Variants in PCSK6 observed in about 807,000 individuals in gnomAD.
PCSK6 encodes the protein proprotein convertase subtilisin/kexin type 6.
Under a neutral mutation model 123.3 loss-of-function variants are expected in PCSK6, and 85 were observed. The observed-to-expected ratio is 0.69, with a 90% CI of 0.58 to 0.83. PCSK6 has a LOEUF of 0.83. PCSK6 is among the 40% of genes least tolerant of loss of function. PCSK6 has a pLI of 0.00. For missense variants in PCSK6, 1,191 were observed against 1,282.3 expected (o/e 0.93, Z 1.09); for synonymous variants, 508 against 516.0 (o/e 0.98, Z 0.21).
intron 13 of PCSK6, among the ~76,000 whole-genome samples, chr15:101,352,885 T>C (rs1291091367): frequency 6.6e-6 from 1 of 152,186 alleles, no homozygotes; most frequent in Non-Finnish European, 1.5e-5. Context: ...ACATAGTCTA[T>C]AGGAAAAACC....
intron 1 of PCSK6, among the ~76,000 whole-genome samples, chr15:101,455,407 A>G (rs1369775754): frequency 6.6e-6 from 1 of 152,232 alleles, no homozygotes; most frequent in Non-Finnish European, 1.5e-5. Flanking sequence ...TTTCCCTTAA[A>G]GGGAACAAGG....
intron 1 of PCSK6, among the ~76,000 whole-genome samples, chr15:101,449,775 C>T (rs1190956006): frequency 1.3e-5 from 2 of 152,086 alleles, no homozygotes; most frequent in African/African-American, 2.4e-5. Context: ...CATGAGATAC[C>T]GAGAAGACAG....
chr15:101,348,814 C>G (rs1395130624), intron 13 of PCSK6, among the ~76,000 whole-genome samples: 1 of 152,192 alleles, frequency 6.6e-6, no homozygotes, highest in East Asian at 1.9e-4. Context: ...CGCCTGCCAG[C>G]TGCTCTGCTC....
At chr15:101,353,211 G>A (rs182208740) in intron 13 of PCSK6, among the ~76,000 whole-genome samples, 2 of 151,896 alleles carry the variant, frequency 1.3e-5, no homozygotes, top group East Asian at 3.8e-4. Flanking sequence ...ATGGGAGACA[G>A]TGACAGATCA....
rs374353547 is a variant in PCSK6 at position 101,432,333 on chromosome 15, G to A, written c.403-233C>T. Among the ~76,000 whole-genome samples, 9 of 151,876 alleles carry A rather than the reference G, an allele frequency of 5.9e-5. 2 individuals carry two copies. The highest frequency in any genetic ancestry group is 5.8e-4 in the East Asian group (3 of 5,142). ...CACCACTCTGATAGATTTTGAAGTC[G>A]TTGTACTAAAAGAAAGAAAGTGCTC... On this transcript the variant is annotated intron_variant, in intron 2 of 21. Transcript: ENST00000611716.
At chr15:101,418,754 C>T (rs2055979959) in intron 6 of PCSK6, among the ~76,000 whole-genome samples, 1 of 152,176 alleles carries the variant, frequency 6.6e-6, no homozygotes, top group Non-Finnish European at 1.5e-5. Context: ...ATCAGGTGAT[C>T]CACCCACTTT....
At chr15:101,437,098 C>G (rs2056622704) in intron 2 of PCSK6, among the ~76,000 whole-genome samples, 2 of 152,300 alleles carry the variant, frequency 1.3e-5, no homozygotes, top group South Asian at 2.1e-4. Context: ...AGAGGCCCCA[C>G]AACTTCCAAC....
chr15:101,452,059 A>C (rs1415329681), intron 1 of PCSK6, among the ~76,000 whole-genome samples: 2 of 152,244 alleles, frequency 1.3e-5, no homozygotes, highest in Non-Finnish European at 2.9e-5. Context: ...TATTGCAATA[A>C]TTACAATCCT....
At chr15:101,340,248 A>G (rs2040571220) in intron 13 of PCSK6, among the ~76,000 whole-genome samples, 1 of 152,124 alleles carries the variant, frequency 6.6e-6, no homozygotes, top group Non-Finnish European at 1.5e-5. Context: ...TACACACATG[A>G]ACTCTCAGAC....
intron 6 of PCSK6, among the ~76,000 whole-genome samples, chr15:101,417,412 C>A (rs2055926344): frequency 6.6e-6 from 1 of 152,092 alleles, no homozygotes; most frequent in Non-Finnish European, 1.5e-5. Flanking sequence ...CCAGAAATTC[C>A]AAAAGGCAGA....
intron 1 of PCSK6, among the ~76,000 whole-genome samples, chr15:101,488,969 G>A (rs2058088951): frequency 6.7e-6 from 1 of 149,420 alleles, no homozygotes; most frequent in South Asian, 2.1e-4. Flanking sequence ...GGAGAGCCGG[G>A]TGGGCGCCCA....
chr15:101,454,606 G>A (rs2057125902), intron 1 of PCSK6, among the ~76,000 whole-genome samples: 1 of 152,178 alleles, frequency 6.6e-6, no homozygotes, highest in African/African-American at 2.4e-5. Flanking sequence ...GTTGCCAGGG[G>A]CTGTGGGGGA....
chr15:101,317,998 T>C (rs1424006194), intron 19 of PCSK6, among the ~76,000 whole-genome samples: 1 of 152,200 alleles, frequency 6.6e-6, no homozygotes, highest in African/African-American at 2.4e-5. Flanking sequence ...GCAATGTACA[T>C]AAAATCTACC....
chr15:101,489,327 G>T, intron 1 of PCSK6, 47 bp downstream of exon 1: 1 of 1,097,152 alleles, frequency 9.1e-7, no homozygotes, highest in Non-Finnish European at 1.1e-6. Flanking sequence ...CGCGCGCGCC[G>T]GAGGCCGCCG....
chr15:101,357,960 G>A (rs796926230), intron 13 of PCSK6, among the ~76,000 whole-genome samples: 79 of 152,294 alleles, frequency 5.2e-4, no homozygotes, highest in African/African-American at 1.9e-3. Context: ...GGCCTGGCCA[G>A]GAAGCTCCCA....
At chr15:101,351,873 G>T (rs983995962) in intron 13 of PCSK6, among the ~76,000 whole-genome samples, 1 of 152,098 alleles carries the variant, frequency 6.6e-6, no homozygotes, top group Non-Finnish European at 1.5e-5. Flanking sequence ...GCAGAGTGGG[G>T]ACAGCAAACT....
intron 2 of PCSK6, among the ~76,000 whole-genome samples, chr15:101,438,120 G>A (rs2056653756): frequency 2.6e-5 from 4 of 152,196 alleles, no homozygotes; most frequent in Non-Finnish European, 5.9e-5. Flanking sequence ...TCCTAAGTGT[G>A]AGACAATACG....
intron 20 of PCSK6, chr15:101,313,061 G>C: frequency 3.1e-6 from 4 of 1,281,518 alleles, no homozygotes; most frequent in Non-Finnish European, 4.0e-6. Context: ...ACAGTGCAAA[G>C]GATGCATGCT....
chr15:101,435,438 G>A (rs2141130286), intron 2 of PCSK6, among the ~76,000 whole-genome samples: 1 of 152,338 alleles, frequency 6.6e-6, no homozygotes, highest in East Asian at 1.9e-4. Context: ...GGCAAGGTTT[G>A]CCAAATGCCA....
Sources: gnomAD v4.1 joint callset for allele counts (sites outside exome capture counted in the v4.1 genomes callset) on GRCh38, gnomAD v4.1.1 for gene constraint, MANE v1.5 for transcripts, NCBI Gene and HGNC (gene_info 2026-07-23, HGNC 2026-07-21) for gene names.